The following PARD3B variants were observed in gnomAD, a reference collection of about 807,000 sequenced individuals.
The protein encoded by PARD3B is partitioning defective 3 homolog B.
In PARD3B, 103 loss-of-function variants were observed where a neutral mutation model predicts 130.2. The ratio of observed to expected loss-of-function variants is 0.79; its 90% CI spans 0.67 to 0.93. The LOEUF (loss-of-function observed/expected upper bound fraction) is 0.93, where lower values mean the gene tolerates loss of function less well. Among genes scored for constraint, PARD3B ranks in the 40% least tolerant of loss-of-function variants. The probability of loss-of-function intolerance (pLI) is 0.00; values close to 1 mark genes in which losing one functional copy is unlikely to be tolerated. For missense variants in PARD3B, 1,609 were observed against 1,499.2 expected (o/e 1.07, Z -1.21); for synonymous variants, 583 against 553.2 (o/e 1.05, Z -0.76).
rs184786295 is a variant in PARD3B at position 205,072,941 on chromosome 2, A to G, written c.504+25251A>G. Among the ~76,000 whole-genome samples, 347 of 152,292 alleles carry G rather than the reference A, an allele frequency of 2.3e-3. 4 individuals are homozygous for G. The highest frequency in any genetic ancestry group is 5.3e-4 in the Non-Finnish European group (36 of 67,994). On this transcript the variant is annotated intron_variant, in intron 4 of 22. Transcript: ENST00000406610. ...CCTGTTTTTCTTCAATTTGCTCAGT[A>G]TATGATATACAGTAACTGCAGAAAT...
intron 15 of PARD3B, among the ~76,000 whole-genome samples, chr2:205,211,133 T>G (rs2037610185): frequency 1.3e-5 from 2 of 152,202 alleles, no homozygotes; most frequent in South Asian, 2.1e-4. Flanking sequence ...TTTCTAAAAA[T>G]AATTTATTTT....
intron 15 of PARD3B, among the ~76,000 whole-genome samples, chr2:205,206,018 A>G (rs1056321240): frequency 6.6e-6 from 1 of 152,072 alleles, no homozygotes; most frequent in Non-Finnish European, 1.5e-5. Flanking sequence ...TTCAGAAGGA[A>G]TGGTATCAGC....
Position 205,134,800 on chromosome 2 carries a change from A to G in PARD3B, c.1434+9063A>G, listed in dbSNP as rs990273674. Among the ~76,000 whole-genome samples the G allele has an allele frequency of 7.2e-5, 11 of 152,220 alleles. No homozygotes were observed. The South Asian group carries it at 1.4e-3, about 20-fold the overall frequency. On this transcript the variant is annotated intron_variant, in intron 10 of 22. Transcript: ENST00000406610. ...TAAATGCTGTGGTTCAGCATTATTA[A>G]AACAGATGGAGGAAGTGCGGGGCTA...
At chr2:205,384,878 A>G (rs1198427764) in intron 18 of PARD3B, among the ~76,000 whole-genome samples, 2 of 152,116 alleles carry the variant, frequency 1.3e-5, no homozygotes, top group Admixed American at 6.6e-5. Flanking sequence ...ATGCTGACAT[A>G]CTAACCCTGA....
chr2:205,476,969 AATG>A (rs1338076493), intron 20 of PARD3B, among the ~76,000 whole-genome samples: 1 of 152,224 alleles, frequency 6.6e-6, no homozygotes, highest in Non-Finnish European at 1.5e-5. Context: ...TGTGTATGGC[AATG>A]ATGTTTTTAC....
chr2:204,902,747 A>T (rs1456233269), intron 2 of PARD3B, among the ~76,000 whole-genome samples: 1 of 151,970 alleles, frequency 6.6e-6, no homozygotes, highest in South Asian at 2.1e-4. Flanking sequence ...TTTAAAGGAA[A>T]TGTCCTATTT....
chr2:205,437,771 T>C (rs1321485230), intron 19 of PARD3B, among the ~76,000 whole-genome samples: 1 of 151,936 alleles, frequency 6.6e-6, no homozygotes, highest in Non-Finnish European at 1.5e-5. Context: ...AAAGAGGAGA[T>C]TTAAACAATT....
At chr2:205,477,020 T>C (rs2049045777) in intron 20 of PARD3B, among the ~76,000 whole-genome samples, 2 of 152,246 alleles carry the variant, frequency 1.3e-5, no homozygotes, top group Non-Finnish European at 2.9e-5. Flanking sequence ...AAATTGATTC[T>C]ATGTGAAGAT....
chr2:205,054,998 T>G (rs1699545013), intron 4 of PARD3B, among the ~76,000 whole-genome samples: 1 of 152,164 alleles, frequency 6.6e-6, no homozygotes, highest in African/African-American at 2.4e-5. Flanking sequence ...CTCTCTGAAA[T>G]ATAATGTTTA....
chr2:205,191,246 C>A (rs969363657), intron 14 of PARD3B, among the ~76,000 whole-genome samples: 107 of 152,238 alleles, frequency 7.0e-4, no homozygotes, highest in African/African-American at 2.3e-3. Flanking sequence ...TCAGGTTGAT[C>A]AAGCTCTTAC....
At chr2:205,542,002 G>C (rs1264671290) in intron 21 of PARD3B, among the ~76,000 whole-genome samples, 1 of 151,636 alleles carries the variant, frequency 6.6e-6, no homozygotes, top group African/African-American at 2.4e-5. Flanking sequence ...AATTAGCTAG[G>C]CATGATGGTT....
Position 205,461,363 on chromosome 2 carries a change from A to G in PARD3B, c.3044+20691A>G, listed in dbSNP as rs138001347. Among the ~76,000 whole-genome samples, 79 of 152,294 alleles carry G rather than the reference A, an allele frequency of 5.2e-4. No individual in the cohort carries two copies. The highest frequency in any genetic ancestry group is 3.4e-3 in the Middle Eastern group (1 of 294). On this transcript the variant is annotated intron_variant, in intron 20 of 22. Transcript: ENST00000406610. The surrounding 1 kb of genome is among the most constrained non-coding windows in gnomAD (Gnocchi z 4.3). ...TCTTACCAACACCAAGCAAGAGGAT[A>G]AAGAGCAGAGGCTTAGTAAATGGAT...
intron 2 of PARD3B, among the ~76,000 whole-genome samples, chr2:204,865,370 A>T (rs1047787654): frequency 2.0e-5 from 3 of 152,242 alleles, no homozygotes; most frequent in African/African-American, 4.8e-5. Context: ...GCCAGTCCAA[A>T]TGACTTCCAT....
At chr2:205,413,381 T>C (rs2046667510) in intron 19 of PARD3B, among the ~76,000 whole-genome samples, 1 of 152,156 alleles carries the variant, frequency 6.6e-6, no homozygotes, top group South Asian at 2.1e-4. Flanking sequence ...GATGATATTG[T>C]AATCATTTTT....
chr2:205,312,799 G>C (rs544843730), intron 18 of PARD3B, among the ~76,000 whole-genome samples: 1 of 152,158 alleles, frequency 6.6e-6, no homozygotes, highest in Admixed American at 6.5e-5. Context: ...GGGTTGGAAA[G>C]AGCAATGACC....
intron 20 of PARD3B, chr2:205,482,799 G>A (rs1291697135): frequency 1.3e-5 from 2 of 152,042 alleles, no homozygotes; most frequent in Non-Finnish European, 2.9e-5. Context: ...TTAGAATGAG[G>A]GTAGAAAGTA....
At chr2:205,093,250 T>A (rs76391959) in intron 4 of PARD3B, among the ~76,000 whole-genome samples, 1,998 of 152,268 alleles carry the variant, frequency 0.013, 14 homozygotes, top group Middle Eastern at 0.024. Context: ...AGGAACAGAT[T>A]TGTTTACCCA....
At chr2:205,401,627 A>T (rs1215516294) in intron 19 of PARD3B, among the ~76,000 whole-genome samples, 1 of 152,210 alleles carries the variant, frequency 6.6e-6, no homozygotes, top group Non-Finnish European at 1.5e-5. Context: ...CATCTGTTAA[A>T]GGGCCGGCTT....
At chr2:204,581,296 A>G (rs897130934) in intron 1 of PARD3B, among the ~76,000 whole-genome samples, 1 of 152,204 alleles carries the variant, frequency 6.6e-6, no homozygotes, top group African/African-American at 2.4e-5. Context: ...GGGGTTTTAG[A>G]TGCTGAGTTG....
Sources: gnomAD v4.1 joint callset for allele counts (sites outside exome capture counted in the v4.1 genomes callset) on GRCh38, gnomAD v4.1.1 for gene constraint, Gnocchi (gnomAD v3.1) non-coding constraint, MANE v1.5 for transcripts, NCBI Gene and HGNC (gene_info 2026-07-23, HGNC 2026-07-21) for gene names.